Variants in TDRD3 observed in about 807,000 individuals in gnomAD.
TDRD3 encodes the protein tudor domain containing 3.
A neutral mutation model predicts 86.7 loss-of-function variants in TDRD3; 45 were observed. The ratio of observed to expected loss-of-function variants is 0.52; its 90% CI spans 0.41 to 0.67. The LOEUF (loss-of-function observed/expected upper bound fraction) is 0.67, where lower values mean the gene tolerates loss of function less well. Ranked by LOEUF, TDRD3 falls within the 30% of genes least tolerant of loss-of-function variation. TDRD3 has a pLI of 0.00. For missense variants in TDRD3, 814 were observed against 889.0 expected (o/e 0.92, Z 1.07); for synonymous variants, 298 against 301.7 (o/e 0.99, Z 0.13).
At chr13:60,542,413 T>G (rs1275976890) in intron 12 of TDRD3, among the ~76,000 whole-genome samples, 1 of 152,190 alleles carries the variant, frequency 6.6e-6, no homozygotes, top group African/African-American at 2.4e-5. Context: ...TTTAAAAATT[T>G]TGTACAAATT....
chr13:60,406,470 T>C (rs907273087), intron 1 of TDRD3, among the ~76,000 whole-genome samples: 1 of 152,248 alleles, frequency 6.6e-6, no homozygotes, highest in Non-Finnish European at 1.5e-5. Flanking sequence ...TTTTACTTTT[T>C]AAAATATGGC....
chr13:60,397,608 G>A (rs1370620430), intron 1 of TDRD3, among the ~76,000 whole-genome samples: 1 of 146,298 alleles, frequency 6.8e-6, no homozygotes, highest in Non-Finnish European at 1.5e-5. Context: ...GGAGGCGGCG[G>A]CGGCGGCGGC....
intron 11 of TDRD3, among the ~76,000 whole-genome samples, chr13:60,532,373 C>T (rs770014780): frequency 6.6e-6 from 1 of 152,020 alleles, no homozygotes; most frequent in Non-Finnish European, 1.5e-5. Flanking sequence ...ATTACACCAC[C>T]CTTAACCATT....
intron 1 of TDRD3, among the ~76,000 whole-genome samples, chr13:60,436,182 C>A (rs568156643): frequency 6.7e-6 from 1 of 150,312 alleles, no homozygotes; most frequent in South Asian, 2.1e-4. Flanking sequence ...GCATAGTTTG[C>A]AAATATTTTC....
chr13:60,410,705 G>A (rs1363391450), intron 1 of TDRD3, among the ~76,000 whole-genome samples: 1 of 152,074 alleles, frequency 6.6e-6, no homozygotes, highest in East Asian at 1.9e-4. Flanking sequence ...TGCTTCTTGG[G>A]GATGGATAGG....
At chr13:60,468,872 C>A (rs961258734) in intron 5 of TDRD3, among the ~76,000 whole-genome samples, 4 of 152,148 alleles carry the variant, frequency 2.6e-5, no homozygotes, top group African/African-American at 9.7e-5. Flanking sequence ...GATTACTCCT[C>A]GAGCTGAAAT....
intron 12 of TDRD3, among the ~76,000 whole-genome samples, chr13:60,567,276 A>C (rs1358519327): frequency 6.6e-6 from 1 of 152,174 alleles, no homozygotes; most frequent in East Asian, 1.9e-4. Flanking sequence ...ATTCAATTCT[A>C]ATCTTACCAC....
intron 3 of TDRD3, among the ~76,000 whole-genome samples, chr13:60,453,941 A>G (rs908212568): frequency 1.1e-4 from 16 of 151,932 alleles, no homozygotes; most frequent in African/African-American, 2.7e-4. Flanking sequence ...AAGGCTATCA[A>G]TTTTTCTTCT....
At position 60,573,616 on chromosome 13, in the gene TDRD3, A is replaced by G. The variant is rs1958637526; in HGVS notation, c.*10A>G. ...TTTTCTTCATTTCTTTTTAAAGTAG[A>G]CTCTTTGTGAAGAAACGAGCCAGTG... On this transcript the variant is annotated splice_region_variant and 3_prime_UTR_variant, in exon 14 of 14. Transcript: ENST00000377881. The G allele has an allele frequency of 1.0e-6, 1 of 985,142 alleles. No homozygotes were observed. The highest frequency in any genetic ancestry group is 6.2e-5 in the Admixed American group (1 of 16,248). The allele number at this position is 985,142 out of a possible 1,614,324, so 61.0% of individuals were successfully genotyped here.
chr13:60,499,596 T>C (rs908655333), intron 8 of TDRD3, among the ~76,000 whole-genome samples: 4 of 152,224 alleles, frequency 2.6e-5, no homozygotes, highest in Non-Finnish European at 5.9e-5. Flanking sequence ...GCTGATTGGA[T>C]CCAGTAAGCA....
chr13:60,437,247 C>T (rs1477931771), intron 1 of TDRD3, among the ~76,000 whole-genome samples: 14 of 151,096 alleles, frequency 9.3e-5, no homozygotes, highest in African/African-American at 3.4e-4. Flanking sequence ...CTGCCTCAGC[C>T]TCCCGAGTAG....
intron 12 of TDRD3, among the ~76,000 whole-genome samples, chr13:60,555,848 C>CT (rs770710929): frequency 0.01 from 1,387 of 136,096 alleles, 43 homozygotes; most frequent in Non-Finnish European, 0.013. Context: ...CAACCTATTT[C>CT]TTTCTTTTTT....
At chr13:60,533,830 A>C (rs1957639097) in intron 11 of TDRD3, among the ~76,000 whole-genome samples, 1 of 152,338 alleles carries the variant, frequency 6.6e-6, no homozygotes, top group African/African-American at 2.4e-5. Context: ...TTCCAATCAG[A>C]TGACCTATTC....
At chr13:60,445,403 T>C (rs1017919255) in intron 3 of TDRD3, among the ~76,000 whole-genome samples, 5 of 152,234 alleles carry the variant, frequency 3.3e-5, no homozygotes, top group African/African-American at 7.2e-5. Context: ...AGGTTTCTTT[T>C]TGCTAAAGCC....
At chr13:60,487,098 C>CT (rs201569785) in intron 7 of TDRD3, among the ~76,000 whole-genome samples, 5 of 151,534 alleles carry the variant, frequency 3.3e-5, no homozygotes, top group African/African-American at 4.9e-5. Context: ...TGTGTACAAA[C>CT]TTTTTTTTTG....
rs1203827219 is a variant in TDRD3 at position 60,439,584 on chromosome 13, T to C, written c.42-104T>C. On this transcript the variant is annotated intron_variant, in intron 1 of 13. Coordinates refer to ENST00000377881, the MANE Select transcript of TDRD3 (RefSeq NM_001146070.2). ...TCCAAGACTCTTTCCCTAGTATTTG[T>C]AGCAGAAGCACTTTATAGTAGAAAA... is the stretch of plus-strand genomic sequence containing the variant. 2.5e-5 allele frequency: 19 copies of C among 753,542 alleles called. No homozygotes were observed. The African/African-American group carries it at 3.1e-4, about 12-fold the overall frequency. 46.7% of individuals were successfully genotyped at this position (753,542 alleles called of 1,614,324 possible). A position where few individuals can be genotyped will look rare whatever the true frequency, so the allele number is the denominator to read the frequency against.
intron 1 of TDRD3, among the ~76,000 whole-genome samples, chr13:60,437,192 T>C (rs1955138897): frequency 6.8e-6 from 1 of 147,836 alleles, no homozygotes; most frequent in Admixed American, 7.0e-5. Context: ...AATGGCATGA[T>C]CTCGGCTCAC....
chr13:60,564,046 T>C (rs1958396309), intron 12 of TDRD3, among the ~76,000 whole-genome samples: 1 of 152,264 alleles, frequency 6.6e-6, no homozygotes. Context: ...TGCGGTTTTG[T>C]ATCTTTTCAT....
intron 10 of TDRD3, among the ~76,000 whole-genome samples, chr13:60,518,850 T>G (rs1427018873): frequency 1.3e-5 from 2 of 152,124 alleles, no homozygotes; most frequent in East Asian, 3.9e-4. Flanking sequence ...AAAGAGGATG[T>G]GTAGGTTCCT....
Sources: allele counts gnomAD v4.1 joint callset (sites outside exome capture counted in the v4.1 genomes callset), GRCh38; gene constraint gnomAD v4.1.1; transcripts MANE v1.5; gene names NCBI Gene and HGNC (gene_info 2026-07-23, HGNC 2026-07-21).